The following PARD3B variants were observed in gnomAD, a reference collection of about 807,000 sequenced individuals.
PARD3B encodes par-3 family cell polarity regulator beta.
PARD3B carries 103 observed loss-of-function variants against 130.2 expected under a neutral mutation model. That is an observed-to-expected ratio of 0.79 (90% CI 0.67 to 0.93). PARD3B has a LOEUF of 0.93. Ranked by LOEUF, PARD3B falls within the 40% of genes least tolerant of loss-of-function variation. The pLI is 0.00. For missense variants in PARD3B, 1,609 were observed against 1,499.2 expected (o/e 1.07, Z -1.21); for synonymous variants, 583 against 553.2 (o/e 1.05, Z -0.76).
At chr2:205,204,238 G>A (rs901084016) in intron 15 of PARD3B, among the ~76,000 whole-genome samples, 1 of 152,186 alleles carries the variant, frequency 6.6e-6, no homozygotes. Context: ...TTTGTTGGCT[G>A]CATAAATGTC....
chr2:205,193,744 C>T (rs886836971), intron 15 of PARD3B, among the ~76,000 whole-genome samples: 2 of 152,218 alleles, frequency 1.3e-5, no homozygotes, highest in African/African-American at 4.8e-5. Context: ...CTTAGTGCTT[C>T]ACTTCCTTCT....
chr2:205,575,355 T>C lies in PARD3B; in HGVS notation c.3260+21952T>C, dbSNP rs2106557294. ...ACTGCAGTGGTAAAACTGTTACATC[T>C]GATGACCCTGCATTGACACATCATA... On this transcript the variant is annotated intron_variant, in intron 22 of 22. Coordinates refer to ENST00000406610, the MANE Select transcript of PARD3B (RefSeq NM_001302769.2). This position sits in a 1 kb window ranked among gnomAD's most constrained non-coding sequence, Gnocchi z 4.6. 6.6e-6 allele frequency among the ~76,000 whole-genome samples: 1 copy of C among 151,902 alleles called. No homozygotes were observed. Among genetic ancestry groups the C allele is most frequent in the African/African-American group, 2.4e-5 (1 of 41,434 alleles).
rs531917151 is a variant in PARD3B, at chr2:205,317,348, G to C, written c.2630+15647G>C. Among the ~76,000 whole-genome samples the C allele has an allele frequency of 2.6e-5, 4 of 152,316 alleles. No individual in the cohort carries two copies. The South Asian group carries it at 8.3e-4, about 32-fold the overall frequency. ...ACTGATTGAAACTGATTACAGGGTA[G>C]ATATGTCTATGGGCTAAAATAGAAT... On this transcript the variant is annotated intron_variant, in intron 18 of 22. Coordinates refer to ENST00000406610, the MANE Select transcript of PARD3B (RefSeq NM_001302769.2).
At chr2:205,060,233 C>T (rs1482991193) in intron 4 of PARD3B, among the ~76,000 whole-genome samples, 1 of 152,060 alleles carries the variant, frequency 6.6e-6, no homozygotes, top group African/African-American at 2.4e-5. Flanking sequence ...AAAGTCATTT[C>T]ATCATTTTAT....
At chr2:204,570,828 G>A (rs1295346493) in intron 1 of PARD3B, among the ~76,000 whole-genome samples, 3 of 150,498 alleles carry the variant, frequency 2.0e-5, no homozygotes, top group African/African-American at 2.5e-5. Flanking sequence ...TAACTGAGGT[G>A]TATAAGCTGT....
chr2:205,571,854 T>TAGAGTTC (rs1394026903), intron 22 of PARD3B, among the ~76,000 whole-genome samples: 1 of 152,214 alleles, frequency 6.6e-6, no homozygotes, highest in African/African-American at 2.4e-5. Context: ...TTAAGAAGAT[T>TAGAGTTC]AGAGTTCGAT....
At chr2:205,101,499 AG>A (rs1428257466) in intron 4 of PARD3B, among the ~76,000 whole-genome samples, 1 of 152,224 alleles carries the variant, frequency 6.6e-6, no homozygotes, top group Non-Finnish European at 1.5e-5. Flanking sequence ...TTAAACATAT[AG>A]TTACCATATG....
intron 2 of PARD3B, among the ~76,000 whole-genome samples, chr2:204,818,265 T>C (rs17535292): frequency 0.013 from 2,020 of 152,326 alleles, 19 homozygotes; most frequent in African/African-American, 0.025. Context: ...GTTGTTCACC[T>C]ATAATCCTCA....
chr2:205,322,609 GT>G (rs1296128019), intron 18 of PARD3B, among the ~76,000 whole-genome samples: 46 of 152,126 alleles, frequency 3.0e-4, no homozygotes, highest in African/African-American at 1.0e-3. Flanking sequence ...TGCTGAATTT[GT>G]CCATATAGCT....
At chr2:205,130,814 C>T (rs1269311276) in intron 10 of PARD3B, among the ~76,000 whole-genome samples, 2 of 152,148 alleles carry the variant, frequency 1.3e-5, no homozygotes, top group African/African-American at 2.4e-5. Flanking sequence ...TGATTGAAAA[C>T]CAAAAGTTAG....
chr2:205,371,549 C>T (rs889037633), intron 18 of PARD3B, among the ~76,000 whole-genome samples: 9 of 152,136 alleles, frequency 5.9e-5, no homozygotes, highest in Admixed American at 3.9e-4. Flanking sequence ...ATTTGTGTAC[C>T]TATCTATATA....
chr2:205,327,868 T>G (rs369806494), intron 18 of PARD3B, among the ~76,000 whole-genome samples: 3 of 152,194 alleles, frequency 2.0e-5, no homozygotes, highest in African/African-American at 7.2e-5. Flanking sequence ...ATGAAGGAAT[T>G]AACTCATGGA....
At chr2:205,153,279 A>G (rs1417447376) in intron 10 of PARD3B, among the ~76,000 whole-genome samples, 2 of 151,970 alleles carry the variant, frequency 1.3e-5, no homozygotes, top group African/African-American at 2.4e-5. Context: ...CAGATCTCAA[A>G]CTCCATGCTG....
chr2:205,080,094 ACT>A (rs1701312242), intron 4 of PARD3B, among the ~76,000 whole-genome samples: 1 of 151,948 alleles, frequency 6.6e-6, no homozygotes, highest in Non-Finnish European at 1.5e-5. Context: ...TAAAATGAAA[ACT>A]CAGCCTCCCT....
intron 10 of PARD3B, among the ~76,000 whole-genome samples, chr2:205,134,564 C>T (rs1016779546): frequency 2.0e-5 from 3 of 152,122 alleles, no homozygotes; most frequent in African/African-American, 7.2e-5. Context: ...AAGACTTCCA[C>T]CTCACTGAGG....
intron 16 of PARD3B, among the ~76,000 whole-genome samples, chr2:205,273,908 G>A (rs2105808444): frequency 6.6e-6 from 1 of 152,148 alleles, no homozygotes; most frequent in East Asian, 1.9e-4. Flanking sequence ...GTACAGCTCT[G>A]TGGTGGGGGT....
intron 2 of PARD3B, among the ~76,000 whole-genome samples, chr2:204,841,917 TA>T (rs2044271859): frequency 6.6e-6 from 1 of 152,084 alleles, no homozygotes; most frequent in Non-Finnish European, 1.5e-5. Flanking sequence ...GAAAACTTTT[TA>T]ACATTGTAGG....
chr2:205,557,363 G>A (rs898716961), intron 22 of PARD3B, among the ~76,000 whole-genome samples: 1 of 152,142 alleles, frequency 6.6e-6, no homozygotes, highest in Non-Finnish European at 1.5e-5. Flanking sequence ...CTACGAAGAT[G>A]ACTAAACTCC....
At chr2:205,293,920 A>G (rs1331499990) in intron 16 of PARD3B, 4 of 152,140 alleles carry the variant, frequency 2.6e-5, no homozygotes, top group Non-Finnish European at 5.9e-5. Context: ...GGTAGGTAAC[A>G]TTTTTTGATG....
Sources: allele counts gnomAD v4.1 joint callset (sites outside exome capture counted in the v4.1 genomes callset), GRCh38; gene constraint gnomAD v4.1.1; non-coding constraint Gnocchi (gnomAD v3.1); transcripts MANE v1.5; gene names NCBI Gene and HGNC (gene_info 2026-07-23, HGNC 2026-07-21).